Variants in HMGA1 observed in about 807,000 individuals in gnomAD.
The protein encoded by HMGA1 is high mobility group AT-hook 1.
A neutral mutation model predicts 15.1 loss-of-function variants in HMGA1; 1 was observed. That is an observed-to-expected ratio of 0.07 (90% CI 0.02 to 0.31). HMGA1 has a LOEUF of 0.31. HMGA1 is among the 10% of genes least tolerant of loss of function. The pLI, the probability that HMGA1 is intolerant of heterozygous loss-of-function variation, is 1.00. For synonymous variants in HMGA1, 56 were observed against 54.8 expected (o/e 1.02, Z -0.10); for missense variants, 94 against 141.4 (o/e 0.66, Z 1.70).
In HMGA1 at chr6:34,240,770, G is replaced by A; in HGVS notation, c.-11G>A. 6.2e-7 allele frequency: 1 copy of A among 1,612,306 alleles called. No individual in the cohort carries two copies. The highest frequency in any genetic ancestry group is 8.5e-7 in the Non-Finnish European group (1 of 1,179,876). On this transcript the variant is annotated 5_prime_UTR_variant, in exon 3 of 6. Transcript: ENST00000311487. Reference sequence around the variant, plus strand: ...CCATCACTCTTCCACCTGCTCCTTAGAGAAGGGAAGATGAGTGAGTCGAGC... The same window carrying A: ...CCATCACTCTTCCACCTGCTCCTTAAAGAAGGGAAGATGAGTGAGTCGAGC...
chr6:34,245,082 A>C lies in HMGA1; in HGVS notation c.*198A>C. ...GCCGCTGCAGGGCTCCCATGGGCTG[A>C]GTGGGGAGCAGTTTTCCCCTGGCCT... On this transcript the variant is annotated 3_prime_UTR_variant, in exon 6 of 6. Transcript: ENST00000311487. The C allele has an allele frequency of 6.6e-7, 1 of 1,524,272 alleles. No individual in the cohort carries two copies. The highest frequency in any genetic ancestry group is 8.8e-7 in the Non-Finnish European group (1 of 1,136,456). 94.4% of individuals were successfully genotyped at this position (1,524,272 alleles called of 1,614,324 possible).
intron 2 of HMGA1, among the ~76,000 whole-genome samples, chr6:34,237,619 G>A (rs1489768289): frequency 2.0e-5 from 3 of 148,258 alleles, no homozygotes; most frequent in Non-Finnish European, 1.5e-5. Context: ...CGGCGAGCGC[G>A]AGTTGTGCAC....
intron 5 of HMGA1, among the ~76,000 whole-genome samples, chr6:34,244,243 TTG>T (rs1762536045): frequency 6.6e-6 from 1 of 152,050 alleles, no homozygotes; most frequent in Admixed American, 6.5e-5. Context: ...GTTTTGGAGT[TTG>T]TGCCTGGCAC....
rs1329404788 is a variant in HMGA1 at position 34,237,240 on chromosome 6, C to T, written c.-122C>T. On this transcript the variant is annotated 5_prime_UTR_variant, in exon 2 of 6. Transcript: ENST00000311487. ...CTACCAGCGGCGGCCGCGGCGGAGC[C>T]AGGCCGGTCCTCAGCGCCCAGCACC... The T allele has an allele frequency of 6.7e-6, 1 of 148,278 alleles. No individual in the cohort carries two copies. Among genetic ancestry groups the T allele is most frequent in the African/African-American group, 2.5e-5 (1 of 40,756 alleles). The allele number at this position is 148,278 out of a possible 1,614,324, so 9.2% of individuals were successfully genotyped here.
chr6:34,244,368 C>A (rs933174626), intron 5 of HMGA1, among the ~76,000 whole-genome samples: 1 of 152,124 alleles, frequency 6.6e-6, no homozygotes, highest in African/African-American at 2.4e-5. Context: ...TCGGCCACCC[C>A]GGAGGGCCAG....
At chr6:34,241,824 G>A (rs1383690794) in intron 3 of HMGA1, among the ~76,000 whole-genome samples, 1 of 152,214 alleles carries the variant, frequency 6.6e-6, no homozygotes, top group South Asian at 2.1e-4. Flanking sequence ...TTCCCTGTCC[G>A]TACGGTGGAG....
chr6:34,237,391 C>T (rs994307913), intron 2 of HMGA1, 74 bp downstream of exon 2: 1 of 145,012 alleles, frequency 6.9e-6, no homozygotes, highest in Non-Finnish European at 1.5e-5. Context: ...CGTCGCCCCT[C>T]CTGCGAGCCG....
At chr6:34,239,505 C>T (rs1762122477) in intron 2 of HMGA1, among the ~76,000 whole-genome samples, 1 of 152,082 alleles carries the variant, frequency 6.6e-6, no homozygotes, top group Non-Finnish European at 1.5e-5. Flanking sequence ...CTAGTTTGAT[C>T]CTTGAAGCAG....
chr6:34,243,378 G>A, intron 4 of HMGA1, 90 bp from the exon 5 acceptor site: 1 of 983,666 alleles, frequency 1.0e-6, no homozygotes. Flanking sequence ...CCCTGAACAG[G>A]CAGGTAGGTC....
chr6:34,240,776 G>T lies in HMGA1; in HGVS notation c.-5G>T. 2 of 1,612,358 alleles carry T rather than the reference G, an allele frequency of 1.2e-6. No homozygotes were observed. The highest frequency in any genetic ancestry group is 2.7e-5 in the African/African-American group (2 of 74,990). ...CTCTTCCACCTGCTCCTTAGAGAAG[G>T]GAAGATGAGTGAGTCGAGCTCGAAG... On this transcript the variant is annotated 5_prime_UTR_variant, in exon 3 of 6. Transcript: ENST00000311487.
chr6:34,242,658 G>A lies in HMGA1; in HGVS notation c.136-54G>A, dbSNP rs1762396113. 4.0e-6 allele frequency: 5 copies of A among 1,264,364 alleles called. No individual in the cohort carries two copies. In the East Asian group the frequency reaches 1.3e-4, roughly 32 times the overall value. 78.3% of individuals were successfully genotyped at this position (1,264,364 alleles called of 1,614,324 possible). A position where few individuals can be genotyped will look rare whatever the true frequency, so the allele number is the denominator to read the frequency against. On this transcript the variant is annotated intron_variant, in intron 3 of 5. Transcript: ENST00000311487. ...GAGGAGGCAGAGGGCTGTGTCTTCT[G>A]AGGGGGTGGAAACAGGTGATGACTG...
rs1481035248 is a variant in HMGA1 at position 34,245,479 on chromosome 6, C to T, written c.*595C>T. On this transcript the variant is annotated 3_prime_UTR_variant, in exon 6 of 6. Coordinates refer to ENST00000311487, the MANE Select transcript of HMGA1 (RefSeq NM_145899.3). Reference sequence around the variant, plus strand: ...GGGCTCACTTTTCATCCTTCCCCAACTTCCCTAGTCCCCGTACTAGGTTGG... The same window carrying T: ...GGGCTCACTTTTCATCCTTCCCCAATTTCCCTAGTCCCCGTACTAGGTTGG... The T allele has an allele frequency of 7.2e-7, 1 of 1,380,706 alleles. No individual in the cohort carries two copies. Among genetic ancestry groups the T allele is most frequent in the Non-Finnish European group, 9.6e-7 (1 of 1,037,828 alleles). The allele number at this position is 1,380,706 out of a possible 1,614,324, so 85.5% of individuals were successfully genotyped here.
At position 34,243,480 on chromosome 6, in the gene HMGA1, A is replaced by T. The variant is rs769979697; in HGVS notation, c.232A>T (p.Thr78Ser). The T allele has an allele frequency of 6.2e-7, 1 of 1,613,500 alleles. No individual in the cohort carries two copies. The highest frequency in any genetic ancestry group is 1.1e-5 in the South Asian group (1 of 91,062). Reference sequence around the variant, plus strand: ...TCTAACCCTCTAGAAAACCACCACAACTCCAGGAAGGAAACCAAGGGGCAG... The same window carrying T: ...TCTAACCCTCTAGAAAACCACCACATCTCCAGGAAGGAAACCAAGGGGCAG... Reference protein sequence around the residue: ...GAAKTRKTTTTPGRKPRGRPK... With the variant: ...GAAKTRKTTTSPGRKPRGRPK... The change falls in exon 5 of 6, where the codon ACT (threonine) becomes TCT (serine). Residue 78 changes from threonine (T) to serine (S), a missense_variant. Transcript: ENST00000311487.
At chr6:34,239,697 TGAA>T (rs1762139563) in intron 2 of HMGA1, among the ~76,000 whole-genome samples, 1 of 151,842 alleles carries the variant, frequency 6.6e-6, no homozygotes, top group Non-Finnish European at 1.5e-5. Flanking sequence ...AGGACTAGGA[TGAA>T]GATGTGGAGG....
In HMGA1 at chr6:34,236,936, T is replaced by TCTGGCG. The variant is rs940031747; in HGVS notation, c.-178_-173dup. On this transcript the variant is annotated 5_prime_UTR_variant, in exon 1 of 6. Coordinates refer to ENST00000311487, the MANE Select transcript of HMGA1 (RefSeq NM_145899.3). Reference sequence around the variant, plus strand: ...ATTGGGACTCCGAGCCGGGGCTATTTCTGGCGCTGGCGCGGCTCCAAGAAG... The same window carrying TCTGGCG: ...ATTGGGACTCCGAGCCGGGGCTATTTCTGGCGCTGGCGCTGGCGCGGCTCCAAGAAG... The TCTGGCG allele has an allele frequency of 6.6e-6, 1 of 152,528 alleles. No homozygotes were observed. The highest frequency in any genetic ancestry group is 2.4e-5 in the African/African-American group (1 of 41,450). 9.4% of individuals were successfully genotyped at this position (152,528 alleles called of 1,614,324 possible). A position where few individuals can be genotyped will look rare whatever the true frequency, so the allele number is the denominator to read the frequency against.
Position 34,245,255 on chromosome 6 carries a change from G to A in HMGA1, c.*371G>A, listed in dbSNP as rs1367559819. 44 of 1,377,618 alleles carry A rather than the reference G, an allele frequency of 3.2e-5. No homozygotes were observed. The highest frequency in any genetic ancestry group is 2.4e-4 in the Admixed American group (11 of 46,150). 85.3% of individuals were successfully genotyped at this position (1,377,618 alleles called of 1,614,324 possible). On this transcript the variant is annotated 3_prime_UTR_variant, in exon 6 of 6. Coordinates refer to ENST00000311487, the MANE Select transcript of HMGA1 (RefSeq NM_145899.3). ...CTCTCTGGGCTTTTGGTTTGGGGGC[G>A]CCCTCTCTGCTCCTTCACTGTTCCC...
chr6:34,243,281 G>A (rs112081775), intron 4 of HMGA1, among the ~76,000 whole-genome samples, 187 bp from the exon 5 acceptor site: 27 of 152,000 alleles, frequency 1.8e-4, no homozygotes, highest in African/African-American at 5.3e-4. Flanking sequence ...AGTAGGGGGC[G>A]TGTGTGTATG....
intron 2 of HMGA1, among the ~76,000 whole-genome samples, chr6:34,237,861 G>T (rs977748651): frequency 1.3e-5 from 2 of 151,808 alleles, no homozygotes; most frequent in Non-Finnish European, 2.9e-5. Context: ...TTTCTCTCGC[G>T]CCCCCTCCGC....
intron 2 of HMGA1, among the ~76,000 whole-genome samples, chr6:34,238,101 C>T (rs530831338): frequency 2.6e-5 from 4 of 152,318 alleles, no homozygotes; most frequent in East Asian, 3.9e-4. Flanking sequence ...GGGCTTTCTT[C>T]CTCTCCCCCG....
Sources: allele counts gnomAD v4.1 joint callset (sites outside exome capture counted in the v4.1 genomes callset), GRCh38; gene constraint gnomAD v4.1.1; transcripts MANE v1.5; gene names NCBI Gene and HGNC (gene_info 2026-07-23, HGNC 2026-07-21).